Variants in SCN4B observed in about 807,000 individuals in gnomAD.
SCN4B encodes sodium channel regulatory subunit beta-4.
In SCN4B, 20 loss-of-function variants were observed where a neutral mutation model predicts 19.6. That is an observed-to-expected ratio of 1.02 (90% CI 0.72 to 1.48). The LOEUF is 1.48. SCN4B is among the 40% of genes most tolerant of loss of function. The probability of loss-of-function intolerance (pLI) is 0.00; values close to 1 mark genes in which losing one functional copy is unlikely to be tolerated. For missense variants in SCN4B, 271 were observed against 287.5 expected (o/e 0.94, Z 0.42); for synonymous variants, 127 against 122.8 (o/e 1.03, Z -0.22).
At position 118,143,840 on chromosome 11, in the gene SCN4B, A is replaced by C. The variant is rs1234899074; in HGVS notation, c.456T>G (p.Val152=). Residue 152 remains valine, a synonymous_variant, in exon 3 of 5, where the codon GTT becomes GTG. Coordinates refer to ENST00000324727, the MANE Select transcript of SCN4B (RefSeq NM_174934.4). ...CCAGCCCCTACTGCATACGTCTATCAACGACTTGGAGGAAGATGGTGGCGT... is the reference window on the plus strand; with the variant it reads ...CCAGCCCCTACTGCATACGTCTATCCACGACTTGGAGGAAGATGGTGGCGT... ...QHHATIFLQV[V]DRLEEVDNTV... The C allele has an allele frequency of 1.9e-6, 3 of 1,611,928 alleles. No homozygotes were observed. Among genetic ancestry groups the C allele is most frequent in the Non-Finnish European group, 2.5e-6 (3 of 1,179,628 alleles).
rs754308090 is a variant in SCN4B at position 118,143,950 on chromosome 11, T to C, written c.346A>G (p.Ile116Val). 7 of 1,613,992 alleles carry C rather than the reference T, an allele frequency of 4.3e-6. No homozygotes were observed. The highest frequency in any genetic ancestry group is 4.2e-6 in the Non-Finnish European group (5 of 1,179,982). Residue 116 changes from isoleucine to valine, a missense_variant, in exon 3 of 5, where the codon ATT becomes GTT. Transcript: ENST00000324727. ...STKEKMNNIS[I>V]VLRDLEFSDT... ...CTGAACTCCAGGTCCCTCAGCACAA[T>C]GGAAATGTTGTTCATCTTCTCCTTA...
chr11:118,145,482 GGGGTCACCCCAACCCAA>G (rs1565456884), intron 1 of SCN4B: 2 of 1,409,508 alleles, frequency 1.4e-6, no homozygotes, highest in South Asian at 2.5e-5. Flanking sequence ...ATGACCACCA[GGGGTCACCCCAACCCAA>G]GGAAACAAAG....
chr11:118,151,106 TC>T (rs1948229054), intron 1 of SCN4B, among the ~76,000 whole-genome samples: 1 of 143,184 alleles, frequency 7.0e-6, no homozygotes, highest in African/African-American at 2.7e-5. Context: ...GTGCCTACAA[TC>T]CCCCTTACAC....
Position 118,145,242 on chromosome 11 carries a change from C to A in SCN4B, c.62-13G>T. On this transcript the variant is annotated splice_polypyrimidine_tract_variant and intron_variant, in intron 1 of 4. Coordinates refer to ENST00000324727, the MANE Select transcript of SCN4B (RefSeq NM_174934.4). ...AGCAGGAAGAGGCCTGTGTAAGGAGCACCGCCTCCCTTAATAAAACCCCAC... is the reference window on the plus strand; with the variant it reads ...AGCAGGAAGAGGCCTGTGTAAGGAGAACCGCCTCCCTTAATAAAACCCCAC... The A allele has an allele frequency of 6.2e-7, 1 of 1,613,840 alleles. No homozygotes were observed. The highest frequency in any genetic ancestry group is 8.5e-7 in the Non-Finnish European group (1 of 1,179,966).
chr11:118,139,953 G>T (rs1948074094), intron 4 of SCN4B, among the ~76,000 whole-genome samples: 1 of 147,128 alleles, frequency 6.8e-6, no homozygotes. Flanking sequence ...GCCCAGGCTG[G>T]ACTCAAACTC....
intron 4 of SCN4B, among the ~76,000 whole-genome samples, chr11:118,140,257 T>C (rs1204596604): frequency 6.6e-6 from 1 of 152,188 alleles, no homozygotes; most frequent in Non-Finnish European, 1.5e-5. Flanking sequence ...CCTTGAGCTC[T>C]TCATCGACAA....
rs747651845 is a variant in SCN4B, at chr11:118,145,242, C to T, written c.62-13G>A. 44 of 1,613,722 alleles carry T rather than the reference C, an allele frequency of 2.7e-5. No homozygotes were observed. The highest frequency in any genetic ancestry group is 3.6e-5 in the Non-Finnish European group (43 of 1,179,974). On this transcript the variant is annotated splice_polypyrimidine_tract_variant and intron_variant, in intron 1 of 4. Coordinates refer to ENST00000324727, the MANE Select transcript of SCN4B (RefSeq NM_174934.4). ...AGCAGGAAGAGGCCTGTGTAAGGAG[C>T]ACCGCCTCCCTTAATAAAACCCCAC...
intron 3 of SCN4B, among the ~76,000 whole-genome samples, chr11:118,143,519 C>T (rs771416104): frequency 2.6e-5 from 4 of 152,270 alleles, no homozygotes; most frequent in South Asian, 2.1e-4. Flanking sequence ...TCAGTATATA[C>T]GGAGAAAACC....
chr11:118,145,227 G>A lies in SCN4B; in HGVS notation c.64C>T (p.Leu22Phe), dbSNP rs781272837. The A allele has an allele frequency of 1.2e-6, 2 of 1,614,064 alleles. No individual in the cohort carries two copies. The highest frequency in any genetic ancestry group is 1.7e-5 in the Admixed American group (1 of 60,020). ...ARWLGTGLLG[L>F]FLLPVTLSLE... ...GACAGGGTTACGGGGAGCAGGAAGA[G>A]GCCTGTGTAAGGAGCACCGCCTCCC... Residue 22 changes from leucine (L) to phenylalanine (F), a missense_variant and splice_region_variant, in exon 2 of 5, where the codon CTC becomes TTC. Physicochemically the swap from Leu to Phe is conservative, Grantham distance 22. Transcript: ENST00000324727.
chr11:118,145,628 AG>A (rs1948163439), intron 1 of SCN4B: 1 of 424,308 alleles, frequency 2.4e-6, no homozygotes, highest in Non-Finnish European at 4.1e-6. Context: ...TTCTGTTTGC[AG>A]GGGAATTCCC....
rs772031862 is a variant in SCN4B at position 118,137,149 on chromosome 11, TG to T, written c.594-30del. 2.6e-6 allele frequency: 4 copies of T among 1,520,674 alleles called. No homozygotes were observed. The East Asian group carries it at 6.7e-5, about 26-fold the overall frequency. The allele number at this position is 1,520,674 out of a possible 1,614,324, so 94.2% of individuals were successfully genotyped here. A position where few individuals can be genotyped will look rare whatever the true frequency, so the allele number is the denominator to read the frequency against. On this transcript the variant is annotated intron_variant, in intron 4 of 4. Coordinates refer to ENST00000324727, the MANE Select transcript of SCN4B (RefSeq NM_174934.4). ...GAGAGGGAGAGAGAAGGGACAGTGG[TG>T]AGGAGAGGAGCAAGAGTAGGGGGAG...
intron 1 of SCN4B, chr11:118,145,454 G>A (rs1294823318): frequency 6.8e-7 from 1 of 1,465,572 alleles, no homozygotes; most frequent in South Asian, 1.2e-5. Flanking sequence ...CCAGGGAGTA[G>A]CCCTTGTTGC....
intron 1 of SCN4B, 98 bp from the exon 2 acceptor site, chr11:118,145,327 A>G: frequency 6.4e-7 from 1 of 1,574,798 alleles, no homozygotes; most frequent in Non-Finnish European, 8.6e-7. Context: ...CCAGGCAGGT[A>G]GGTCTCTATC....
rs765388822 is a variant in SCN4B at position 118,133,822 on chromosome 11, G to A, written c.*3205C>T. ...CACTGAGATGAAGTCATGGAGTGAC[G>A]GAATGCAGGAGCACGGCTGGTCTTC... On this transcript the variant is annotated 3_prime_UTR_variant, in exon 5 of 5. Transcript: ENST00000324727. The A allele has an allele frequency of 2.2e-5, 10 of 454,364 alleles. No homozygotes were observed. The highest frequency in any genetic ancestry group is 6.9e-5 in the East Asian group (1 of 14,404). 28.1% of individuals were successfully genotyped at this position (454,364 alleles called of 1,614,324 possible).
rs527376189 is a variant in SCN4B, at chr11:118,133,939, A to G, written c.*3088T>C. 2.2e-6 allele frequency: 1 copy of G among 454,552 alleles called. No individual in the cohort carries two copies. Among genetic ancestry groups the G allele is most frequent in the East Asian group, 6.9e-5 (1 of 14,396 alleles). 28.2% of individuals were successfully genotyped at this position (454,552 alleles called of 1,614,324 possible). A position where few individuals can be genotyped will look rare whatever the true frequency, so the allele number is the denominator to read the frequency against. ...CTCCTCAAATGTCCAGCATCTGCCC[A>G]TCATGCATCACCCCTTACATGCAGA... On this transcript the variant is annotated 3_prime_UTR_variant, in exon 5 of 5. Coordinates refer to ENST00000324727, the MANE Select transcript of SCN4B (RefSeq NM_174934.4).
intron 3 of SCN4B, chr11:118,141,725 A>T: frequency 3.6e-6 from 1 of 279,530 alleles, no homozygotes; most frequent in Non-Finnish European, 6.9e-6. Context: ...AAAATTAAGA[A>T]CCTCCCTATG....
intron 4 of SCN4B, 98 bp downstream of exon 4, chr11:118,141,109 G>C (rs1387814701): frequency 1.5e-6 from 2 of 1,371,578 alleles, no homozygotes; most frequent in Non-Finnish European, 2.1e-6. Flanking sequence ...TGGGAATGGG[G>C]GGAAGGAGGA....
chr11:118,138,161 T>G (rs1948045435), intron 4 of SCN4B, among the ~76,000 whole-genome samples: 1 of 152,212 alleles, frequency 6.6e-6, no homozygotes, highest in Non-Finnish European at 1.5e-5. Context: ...CCTCTGAGCT[T>G]TCTGCTCATG....
rs1441863222 is a variant in SCN4B at position 118,136,167 on chromosome 11, T to C, written c.*860A>G. 1 of 451,916 alleles carries C rather than the reference T, an allele frequency of 2.2e-6. No homozygotes were observed. The highest frequency in any genetic ancestry group is 2.4e-5 in the Admixed American group (1 of 42,388). 28.0% of individuals were successfully genotyped at this position (451,916 alleles called of 1,614,324 possible). ...GGTCCTGCCATGCCAGGGGAGGGGC[T>C]GCCAGCATTGGCAGCAATGGGGCGG... On this transcript the variant is annotated 3_prime_UTR_variant, in exon 5 of 5. Coordinates refer to ENST00000324727, the MANE Select transcript of SCN4B (RefSeq NM_174934.4).
Sources: allele counts gnomAD v4.1 joint callset (sites outside exome capture counted in the v4.1 genomes callset), GRCh38; gene constraint gnomAD v4.1.1; transcripts MANE v1.5; gene names NCBI Gene and HGNC (gene_info 2026-07-23, HGNC 2026-07-21).